PLD5: variants seen among roughly 807,000 people sequenced by gnomAD.
The protein encoded by PLD5 is phospholipase D family member 5, also known as inactive phospholipase D5.
A neutral mutation model predicts 61.1 loss-of-function variants in PLD5; 36 were observed. The ratio of observed to expected loss-of-function variants is 0.59; its 90% CI spans 0.45 to 0.78. The LOEUF is 0.78. Ranked by LOEUF, PLD5 falls within the 30% of genes least tolerant of loss-of-function variation. The pLI, the probability that PLD5 is intolerant of heterozygous loss-of-function variation, is 0.00. For missense variants in PLD5, 515 were observed against 644.4 expected (o/e 0.80, Z 2.17); for synonymous variants, 243 against 242.8 (o/e 1.00, Z -0.01).
chr1:242,127,131 A>G (rs1662852614), intron 5 of PLD5, among the ~76,000 whole-genome samples: 1 of 152,214 alleles, frequency 6.6e-6, no homozygotes, highest in Admixed American at 6.5e-5. Context: ...AAGAATGGCT[A>G]TAATCAAAAA....
chr1:242,456,458 C>G (rs1666947372), intron 1 of PLD5, among the ~76,000 whole-genome samples: 1 of 152,138 alleles, frequency 6.6e-6, no homozygotes, highest in Admixed American at 6.5e-5. Flanking sequence ...TTCTACTGGA[C>G]AGTGCTGCCC....
intron 5 of PLD5, among the ~76,000 whole-genome samples, chr1:242,190,534 T>C (rs1043013770): frequency 9.9e-5 from 15 of 151,866 alleles, no homozygotes; most frequent in African/African-American, 3.4e-4. Context: ...GTCCTCCGCA[T>C]CACAAACACT....
At chr1:242,512,007 G>A (rs952188285) in intron 1 of PLD5, among the ~76,000 whole-genome samples, 2 of 152,100 alleles carry the variant, frequency 1.3e-5, no homozygotes, top group Admixed American at 6.5e-5. Flanking sequence ...CGGACATATC[G>A]TGGGTTGAAG....
intron 5 of PLD5, among the ~76,000 whole-genome samples, chr1:242,167,359 T>C (rs929638037): frequency 3.3e-5 from 5 of 152,082 alleles, no homozygotes; most frequent in African/African-American, 9.7e-5. Context: ...CAAACGCACA[T>C]CTTACATGGC....
chr1:242,248,553 C>T (rs2149077614), intron 4 of PLD5, among the ~76,000 whole-genome samples: 1 of 152,008 alleles, frequency 6.6e-6, no homozygotes, highest in South Asian at 2.1e-4. Context: ...TGACAAACAA[C>T]TTTGTATCAG....
At chr1:242,250,730 G>A (rs1278846034) in intron 4 of PLD5, among the ~76,000 whole-genome samples, 1 of 152,162 alleles carries the variant, frequency 6.6e-6, no homozygotes, top group East Asian at 1.9e-4. Context: ...AAGCAAGGAA[G>A]GGACAGGAAG....
At chr1:242,499,225 A>C (rs1475902089) in intron 1 of PLD5, among the ~76,000 whole-genome samples, 1 of 152,200 alleles carries the variant, frequency 6.6e-6, no homozygotes, top group African/African-American at 2.4e-5. Context: ...TTAATATCTT[A>C]GAGAAGATGA....
At chr1:242,150,358 A>G (rs531340234) in intron 5 of PLD5, among the ~76,000 whole-genome samples, 41 of 151,736 alleles carry the variant, frequency 2.7e-4, no homozygotes, top group Non-Finnish European at 5.5e-4. Flanking sequence ...CTATATCCTT[A>G]CTGATTTTCT....
chr1:242,481,823 T>A (rs1202729912), intron 1 of PLD5, among the ~76,000 whole-genome samples: 1 of 152,210 alleles, frequency 6.6e-6, no homozygotes, highest in Non-Finnish European at 1.5e-5. Context: ...AGGGGCAGAC[T>A]GACACCTCAC....
At chr1:242,110,030 TTATTATATTATTATATATAATATAGA>T (rs1661358568) in intron 7 of PLD5, among the ~76,000 whole-genome samples, 1 of 147,798 alleles carries the variant, frequency 6.8e-6, no homozygotes, top group Non-Finnish European at 1.5e-5. Flanking sequence ...TCACATTATA[TTATTATATTATTATATATAATATAGA>T]TATTATATTA....
chr1:242,418,700 C>T (rs976845818), intron 1 of PLD5, among the ~76,000 whole-genome samples: 1 of 152,122 alleles, frequency 6.6e-6, no homozygotes, highest in African/African-American at 2.4e-5. Context: ...CTTTCTTGCA[C>T]TCAATTTATT....
In PLD5 at chr1:242,256,175, A is replaced by AG; in HGVS notation, c.607+9161dup. ...CAGCAAATGTATGACTTGAGTCACA[A>AG]GGGGAGCAGATGAGTGGATGCAGAG... On this transcript the variant is annotated intron_variant, in intron 4 of 9. Transcript: ENST00000536534. The surrounding 1 kb of genome is among the most constrained non-coding windows in gnomAD (Gnocchi z 5.7). Among the ~76,000 whole-genome samples, 1 of 152,200 alleles carries AG rather than the reference A, an allele frequency of 6.6e-6. No homozygotes were observed. The highest frequency in any genetic ancestry group is 1.5e-5 in the Non-Finnish European group (1 of 68,030).
chr1:242,372,932 A>G (rs1263469922), intron 1 of PLD5, among the ~76,000 whole-genome samples: 1 of 152,232 alleles, frequency 6.6e-6, no homozygotes, highest in East Asian at 1.9e-4. Flanking sequence ...CAAAAGCCAG[A>G]ATTGACAAAT....
At chr1:242,204,010 G>A (rs1372458753) in intron 5 of PLD5, among the ~76,000 whole-genome samples, 2 of 152,100 alleles carry the variant, frequency 1.3e-5, no homozygotes, top group African/African-American at 4.8e-5. Flanking sequence ...GCTGAGGCAG[G>A]TGGGTCATGA....
In PLD5 at chr1:242,256,747, C is replaced by T. The variant is rs556490441; in HGVS notation, c.607+8590G>A. ...AGCAGCACAAATGAACTAAGACTAT[C>T]ATCTATCTATCTATCTATCTATCTA... On this transcript the variant is annotated intron_variant, in intron 4 of 9. Transcript: ENST00000536534. The surrounding 1 kb of genome is among the most constrained non-coding windows in gnomAD (Gnocchi z 5.7). Among the ~76,000 whole-genome samples, 38 of 148,340 alleles carry T rather than the reference C, an allele frequency of 2.6e-4. No homozygotes were observed. The South Asian group carries it at 3.8e-3, about 15-fold the overall frequency.
chr1:242,494,712 C>G (rs1258341459), intron 1 of PLD5, among the ~76,000 whole-genome samples: 2 of 152,098 alleles, frequency 1.3e-5, no homozygotes, highest in African/African-American at 4.8e-5. Context: ...TCCAGAGAGT[C>G]TCAATAACTG....
chr1:242,104,417 A>T (rs768805608), intron 8 of PLD5, among the ~76,000 whole-genome samples: 1 of 151,570 alleles, frequency 6.6e-6, no homozygotes, highest in Non-Finnish European at 1.5e-5. Context: ...TACAAGTGTG[A>T]GCCACTGCAC....
chr1:242,118,004 C>T (rs913463945), intron 6 of PLD5, among the ~76,000 whole-genome samples: 3 of 152,190 alleles, frequency 2.0e-5, no homozygotes, highest in African/African-American at 7.2e-5. Context: ...TAGGAACTCC[C>T]TGAATTTCAC....
In PLD5 at chr1:242,205,004, T is replaced by C. The variant is rs554218252; in HGVS notation, c.735+14984A>G. 2.0e-4 allele frequency among the ~76,000 whole-genome samples: 30 copies of C among 152,310 alleles called. 2 individuals are homozygous for C. In the South Asian group the frequency reaches 6.0e-3, roughly 30 times the overall value. On this transcript the variant is annotated intron_variant, in intron 5 of 9. Coordinates refer to ENST00000536534, the MANE Select transcript of PLD5 (RefSeq NM_001372062.1). Reference sequence around the variant, plus strand: ...TGGGCAGGCTGCTTATTAAGTATCATATTTGAATTTGGGGGGCTTTAAGAG... The same window carrying C: ...TGGGCAGGCTGCTTATTAAGTATCACATTTGAATTTGGGGGGCTTTAAGAG...
Sources: allele counts gnomAD v4.1 joint callset (sites outside exome capture counted in the v4.1 genomes callset), GRCh38; gene constraint gnomAD v4.1.1; non-coding constraint Gnocchi (gnomAD v3.1); transcripts MANE v1.5; gene names NCBI Gene and HGNC (gene_info 2026-07-23, HGNC 2026-07-21).